RIMS2: variants seen among roughly 807,000 people sequenced by gnomAD.
RIMS2 encodes regulating synaptic membrane exocytosis 2, also known as regulating synaptic membrane exocytosis protein 2.
A neutral mutation model predicts 174.4 loss-of-function variants in RIMS2; 59 were observed. That is an observed-to-expected ratio of 0.34 (90% CI 0.27 to 0.42). The LOEUF (loss-of-function observed/expected upper bound fraction) is 0.42. RIMS2 is among the 10% of genes least tolerant of loss of function. The pLI is 1.00. For synonymous variants in RIMS2, 606 were observed against 572.5 expected (o/e 1.06, Z -0.84); for missense variants, 1,620 against 1,666.3 (o/e 0.97, Z 0.48).
intron 18 of RIMS2, among the ~76,000 whole-genome samples, chr8:104,013,984 T>A (rs191921989): frequency 2.6e-5 from 4 of 152,312 alleles, no homozygotes; most frequent in African/African-American, 9.6e-5. Context: ...ACTAGATTTT[T>A]TAAGTTTCTT....
intron 1 of RIMS2, among the ~76,000 whole-genome samples, chr8:103,646,823 A>AT (rs372316982): frequency 1.3e-5 from 2 of 152,098 alleles, no homozygotes; most frequent in East Asian, 3.9e-4. Context: ...AATAGCATTT[A>AT]TTTTTTTCTC....
intron 17 of RIMS2, among the ~76,000 whole-genome samples, chr8:104,002,635 G>C (rs549944002): frequency 8.5e-5 from 13 of 152,068 alleles, no homozygotes; most frequent in African/African-American, 2.7e-4. Flanking sequence ...TGTATTAATA[G>C]CTTCAGTTGG....
intron 17 of RIMS2, among the ~76,000 whole-genome samples, chr8:103,994,695 T>G (rs1451975359): frequency 6.6e-6 from 1 of 152,092 alleles, no homozygotes; most frequent in Non-Finnish European, 1.5e-5. Flanking sequence ...CAATGGTAAA[T>G]TTTGTATAAT....
chr8:104,084,978 T>C (rs960839048), intron 19 of RIMS2, among the ~76,000 whole-genome samples: 1 of 152,214 alleles, frequency 6.6e-6, no homozygotes, highest in African/African-American at 2.4e-5. Context: ...TTATCAAAAT[T>C]AGATGACTAT....
At chr8:103,621,526 A>G (rs2095635370) in intron 1 of RIMS2, among the ~76,000 whole-genome samples, 1 of 152,272 alleles carries the variant, frequency 6.6e-6, no homozygotes, top group South Asian at 2.1e-4. Context: ...GCCAGGGCAA[A>G]TATTTAGGCT....
chr8:103,636,780 A>ACCCCCCCCCCCCCCCCCC (rs1564110891), intron 1 of RIMS2, among the ~76,000 whole-genome samples: 1 of 56,450 alleles, frequency 1.8e-5, no homozygotes, highest in Non-Finnish European at 3.4e-5. Flanking sequence ...TCTATAACCC[A>ACCCCCCCCCCCCCCCCCC]CCCCCGCACC....
chr8:104,086,860 A>G (rs2097545180), intron 19 of RIMS2, among the ~76,000 whole-genome samples: 1 of 152,068 alleles, frequency 6.6e-6, no homozygotes, highest in Non-Finnish European at 1.5e-5. Flanking sequence ...TCCCTTACTC[A>G]TTCTCTCCTA....
chr8:103,896,209 T>G (rs1445335782), intron 4 of RIMS2, among the ~76,000 whole-genome samples: 2 of 151,628 alleles, frequency 1.3e-5, no homozygotes, highest in East Asian at 1.9e-4. Flanking sequence ...GGTTTTCTAT[T>G]TCTTACTGGG....
At chr8:103,661,510 T>G (rs1354633105) in intron 1 of RIMS2, among the ~76,000 whole-genome samples, 3 of 152,150 alleles carry the variant, frequency 2.0e-5, no homozygotes, top group Non-Finnish European at 4.4e-5. Context: ...TGCTGTTTTT[T>G]GTTTTTTTTT....
In RIMS2 at chr8:104,079,598, G is replaced by GATATATAT. The variant is rs5893676; in HGVS notation, c.3334+65020_3334+65027dup. ...TCACATAACTGAAAGGATTAAGCAT[G>GATATATAT]ATATATATATATATATATATATATA... On this transcript the variant is annotated intron_variant, in intron 19 of 23. Transcript: ENST00000504942. 6.9e-3 allele frequency among the ~76,000 whole-genome samples: 349 copies of GATATATAT among 50,906 alleles called. 9 individuals are homozygous for GATATATAT. The highest frequency in any genetic ancestry group is 0.021 in the Middle Eastern group (1 of 48). The allele number at this position is 50,906 out of a possible 152,430, so 33.4% of individuals were successfully genotyped here.
At chr8:103,700,376 A>G (rs981076297) in intron 2 of RIMS2, among the ~76,000 whole-genome samples, 1 of 151,936 alleles carries the variant, frequency 6.6e-6, no homozygotes, top group Non-Finnish European at 1.5e-5. Context: ...TAATACATGT[A>G]TATAGACCAA....
chr8:103,729,248 C>T (rs1368270513), intron 2 of RIMS2, among the ~76,000 whole-genome samples: 1 of 152,058 alleles, frequency 6.6e-6, no homozygotes, highest in Non-Finnish European at 1.5e-5. Context: ...GCTTTGATCT[C>T]ATTACTTGTT....
At chr8:103,881,512 A>G (rs545056051) in intron 3 of RIMS2, among the ~76,000 whole-genome samples, 1 of 151,666 alleles carries the variant, frequency 6.6e-6, no homozygotes, top group Admixed American at 6.6e-5. Flanking sequence ...AGTGATTTTA[A>G]TTGGGAAAGA....
chr8:103,887,634 A>G (rs2099212433), intron 4 of RIMS2, among the ~76,000 whole-genome samples: 1 of 151,572 alleles, frequency 6.6e-6, no homozygotes, highest in Non-Finnish European at 1.5e-5. Context: ...TATTTGATGA[A>G]TAGTCCATTT....
At chr8:103,800,236 G>GT (rs2098597296) in intron 3 of RIMS2, among the ~76,000 whole-genome samples, 1 of 151,478 alleles carries the variant, frequency 6.6e-6, no homozygotes, top group South Asian at 2.1e-4. Flanking sequence ...TTTTTTTTAG[G>GT]TTTTTTGGCA....
At chr8:104,167,355 T>G (rs2135218810) in intron 19 of RIMS2, among the ~76,000 whole-genome samples, 1 of 152,340 alleles carries the variant, frequency 6.6e-6, no homozygotes, top group African/African-American at 2.4e-5. Context: ...TATTGACTTT[T>G]TAATTATGGC....
intron 2 of RIMS2, among the ~76,000 whole-genome samples, chr8:103,751,171 C>T (rs534071729): frequency 3.9e-5 from 6 of 152,234 alleles, no homozygotes; most frequent in Non-Finnish European, 4.4e-5. Flanking sequence ...ATCTCAGTTC[C>T]CACGCATGAG....
intron 1 of RIMS2, among the ~76,000 whole-genome samples, chr8:103,696,465 A>G (rs1213332833): frequency 1.3e-5 from 2 of 152,204 alleles, no homozygotes; most frequent in African/African-American, 4.8e-5. Flanking sequence ...AATATTTTAG[A>G]GCATATGATT....
At chr8:104,158,351 T>C (rs1406040357) in intron 19 of RIMS2, among the ~76,000 whole-genome samples, 2 of 152,214 alleles carry the variant, frequency 1.3e-5, no homozygotes, top group East Asian at 3.8e-4. Context: ...AGTGCCGCAA[T>C]AAACATATGT....
Sources: gnomAD v4.1 joint callset for allele counts (sites outside exome capture counted in the v4.1 genomes callset) on GRCh38, gnomAD v4.1.1 for gene constraint, MANE v1.5 for transcripts, NCBI Gene and HGNC (gene_info 2026-07-23, HGNC 2026-07-21) for gene names.